ST3GAL2: variants seen among roughly 807,000 people sequenced by gnomAD.
ST3GAL2 encodes the protein CMP-N-acetylneuraminate-beta-galactosamide-alpha-2,3-sialyltransferase 2.
A neutral mutation model predicts 37.5 loss-of-function variants in ST3GAL2; 16 were observed. That is an observed-to-expected ratio of 0.43 (90% CI 0.29 to 0.65). The LOEUF is 0.65. Ranked by LOEUF, ST3GAL2 falls within the 30% of genes least tolerant of loss-of-function variation. The pLI is 0.17. For missense variants in ST3GAL2, 383 were observed against 487.8 expected (o/e 0.79, Z 2.02); for synonymous variants, 238 against 202.9 (o/e 1.17, Z -1.47).
At chr16:70,433,128 C>T (rs1011816145) in intron 1 of ST3GAL2, among the ~76,000 whole-genome samples, 2 of 152,214 alleles carry the variant, frequency 1.3e-5, no homozygotes, top group Admixed American at 6.5e-5. Flanking sequence ...GGAACCAGCT[C>T]TCATCACCAG....
rs2047405649 is a variant in ST3GAL2 at position 70,381,622 on chromosome 16, T to A, written c.*67A>T. On this transcript the variant is annotated 3_prime_UTR_variant, in exon 7 of 7. Coordinates refer to ENST00000342907, the MANE Select transcript of ST3GAL2 (RefSeq NM_006927.4). ...AGCATGATTGGTCGCGGGTTGCTGGTCCTGGGTCCCGGGCCGGAGCCCCGG... is the reference window on the plus strand; with the variant it reads ...AGCATGATTGGTCGCGGGTTGCTGGACCTGGGTCCCGGGCCGGAGCCCCGG... The A allele has an allele frequency of 1.9e-6, 3 of 1,564,840 alleles. No individual in the cohort carries two copies. The highest frequency in any genetic ancestry group is 2.7e-5 in the African/African-American group (2 of 73,940).
chr16:70,388,952 G>A (rs2047461947), intron 3 of ST3GAL2, among the ~76,000 whole-genome samples: 1 of 149,320 alleles, frequency 6.7e-6, no homozygotes, highest in Non-Finnish European at 1.5e-5. Flanking sequence ...GCATGTACCT[G>A]TAATCCCAGC....
chr16:70,377,666 TAC>T lies in ST3GAL2; in HGVS notation c.*4021_*4022del, dbSNP rs1420819856. On this transcript the variant is annotated 3_prime_UTR_variant, in exon 7 of 7. Coordinates refer to ENST00000342907, the MANE Select transcript of ST3GAL2 (RefSeq NM_006927.4). ...GGTGAAACCCCGTCTCTACTAAAAA[TAC>T]AAAAATTAGCTGGGCATGGTGGTGC... The T allele has an allele frequency of 6.6e-6, 1 of 151,468 alleles. No individual in the cohort carries two copies. 9.4% of individuals were successfully genotyped at this position (151,468 alleles called of 1,614,324 possible).
In ST3GAL2 at chr16:70,376,656, G is replaced by C. The variant is rs2047347878; in HGVS notation, c.*5033C>G. On this transcript the variant is annotated 3_prime_UTR_variant, in exon 7 of 7. Coordinates refer to ENST00000342907, the MANE Select transcript of ST3GAL2 (RefSeq NM_006927.4). ...GAATACTTTTATTTTTAAAAATATAGTTTCAGTATTTTACCTTCCCTGATG... is the reference window on the plus strand; with the variant it reads ...GAATACTTTTATTTTTAAAAATATACTTTCAGTATTTTACCTTCCCTGATG... 6.6e-6 allele frequency: 1 copy of C among 152,120 alleles called. No individual in the cohort carries two copies. Among genetic ancestry groups the C allele is most frequent in the Non-Finnish European group, 1.5e-5 (1 of 68,020 alleles). The allele number at this position is 152,120 out of a possible 1,614,324, so 9.4% of individuals were successfully genotyped here. A position where few individuals can be genotyped will look rare whatever the true frequency, so the allele number is the denominator to read the frequency against.
chr16:70,404,275 G>C (rs2047574288), intron 1 of ST3GAL2, among the ~76,000 whole-genome samples: 1 of 152,194 alleles, frequency 6.6e-6, no homozygotes, highest in Non-Finnish European at 1.5e-5. Context: ...AAACAGCCCT[G>C]CATCTGGGAA....
chr16:70,387,490 G>C (rs1015156083), intron 4 of ST3GAL2, among the ~76,000 whole-genome samples: 2 of 152,034 alleles, frequency 1.3e-5, no homozygotes, highest in Non-Finnish European at 2.9e-5. Context: ...GGGAGGTAGA[G>C]GTTTCAGTGA....
At position 70,380,330 on chromosome 16, in the gene ST3GAL2, T is replaced by A. The variant is rs1258881882; in HGVS notation, c.*1359A>T. 6.6e-6 allele frequency: 1 copy of A among 152,232 alleles called. No homozygotes were observed. Among genetic ancestry groups the A allele is most frequent in the East Asian group, 1.9e-4 (1 of 5,196 alleles). 9.4% of individuals were successfully genotyped at this position (152,232 alleles called of 1,614,324 possible). On this transcript the variant is annotated 3_prime_UTR_variant, in exon 7 of 7. Transcript: ENST00000342907. ...ACCTACCAACGGCCAGGAAGCTGCCTGGTGGTGTCAACTAAGAAAAGGGGG... is the reference window on the plus strand; with the variant it reads ...ACCTACCAACGGCCAGGAAGCTGCCAGGTGGTGTCAACTAAGAAAAGGGGG...
At chr16:70,435,790 G>A (rs1005213768) in intron 1 of ST3GAL2, among the ~76,000 whole-genome samples, 7 of 120,204 alleles carry the variant, frequency 5.8e-5, no homozygotes, top group East Asian at 5.8e-4. Context: ...GGGAAACCTC[G>A]TCTCAAAATA....
rs774074693 is a variant in ST3GAL2 at position 70,398,428 on chromosome 16, G to C, written c.103C>G (p.Pro35Ala). The C allele has an allele frequency of 6.2e-7, 1 of 1,613,726 alleles. No individual in the cohort carries two copies. Among genetic ancestry groups the C allele is most frequent in the Admixed American group, 1.7e-5 (1 of 60,034 alleles). ...TCCAGGGCCCCTGAGTCCAGGTAGG[G>C]GAGCGTGGCCATGCTGTGGTGCGAG... ...TYSHHSMATL[P>A]YLDSGALDGT... is the part of the protein sequence containing the mutation. The change falls in exon 2 of 7, where the codon CCC (proline) becomes GCC (alanine). Residue 35 changes from proline to alanine, a missense_variant. Coordinates refer to ENST00000342907, the MANE Select transcript of ST3GAL2 (RefSeq NM_006927.4).
chr16:70,434,513 A>G (rs2047812571), intron 1 of ST3GAL2, among the ~76,000 whole-genome samples: 1 of 152,174 alleles, frequency 6.6e-6, no homozygotes, highest in Admixed American at 6.6e-5. Context: ...GAGCACATCA[A>G]GGAGCAGGAA....
Position 70,424,934 on chromosome 16 carries a change from G to C in ST3GAL2, c.-1004+14015C>G, listed in dbSNP as rs571857264. ...GATATGGAGTCTGTGTCCAAACCTG[G>C]ACCAGGCACTGTGGCTGGGTGCATT... On this transcript the variant is annotated intron_variant, in intron 1 of 6. Transcript: ENST00000342907. 1.5e-3 allele frequency among the ~76,000 whole-genome samples: 229 copies of C among 152,278 alleles called. 2 individuals are homozygous for C. Among genetic ancestry groups the C allele is most frequent in the Non-Finnish European group, 1.3e-3 (91 of 68,036 alleles).
At chr16:70,402,166 GC>G (rs1201242542) in intron 1 of ST3GAL2, among the ~76,000 whole-genome samples, 1 of 151,408 alleles carries the variant, frequency 6.6e-6, no homozygotes, top group African/African-American at 2.4e-5. Flanking sequence ...GGGCATGGTG[GC>G]ACATGCCTGT....
At chr16:70,389,368 A>C (rs1412247510) in intron 3 of ST3GAL2, among the ~76,000 whole-genome samples, 1 of 151,776 alleles carries the variant, frequency 6.6e-6, no homozygotes, top group Non-Finnish European at 1.5e-5. Context: ...CAGTGGTGCT[A>C]TCTCGGCTCA....
chr16:70,403,517 AC>A (rs2047569532), intron 1 of ST3GAL2, among the ~76,000 whole-genome samples: 1 of 152,144 alleles, frequency 6.6e-6, no homozygotes, highest in South Asian at 2.1e-4. Flanking sequence ...CCCCATCTCC[AC>A]AAAAAAGTAA....
chr16:70,393,002 G>A (rs936411240), intron 3 of ST3GAL2, among the ~76,000 whole-genome samples: 10 of 151,836 alleles, frequency 6.6e-5, no homozygotes, highest in African/African-American at 2.4e-4. Context: ...TACTACCCAG[G>A]TCACCCCTTC....
chr16:70,399,001 G>C lies in ST3GAL2; in HGVS notation c.-471C>G, dbSNP rs1158297468. On this transcript the variant is annotated 5_prime_UTR_variant, in exon 2 of 7. Coordinates refer to ENST00000342907, the MANE Select transcript of ST3GAL2 (RefSeq NM_006927.4). ...CGTTCCCGGCAGCGGGGAAGCCCTA[G>C]AACTCCAATCACAACAGAGAGCACA... The C allele has an allele frequency of 9.6e-6, 4 of 416,220 alleles. No homozygotes were observed. Among genetic ancestry groups the C allele is most frequent in the African/African-American group, 2.0e-5 (1 of 49,056 alleles). 25.8% of individuals were successfully genotyped at this position (416,220 alleles called of 1,614,324 possible).
In ST3GAL2 at chr16:70,379,239, A is replaced by G. The variant is rs1261339943; in HGVS notation, c.*2450T>C. Reference sequence around the variant, plus strand: ...GCCACTGCGAGGAGCTGCTACCAGGAATCCTCTCCAATGAACTCCTCTCCT... The same window carrying G: ...GCCACTGCGAGGAGCTGCTACCAGGGATCCTCTCCAATGAACTCCTCTCCT... On this transcript the variant is annotated 3_prime_UTR_variant, in exon 7 of 7. Transcript: ENST00000342907. The G allele has an allele frequency of 6.6e-6, 1 of 152,188 alleles. No homozygotes were observed. Among genetic ancestry groups the G allele is most frequent in the Non-Finnish European group, 1.5e-5 (1 of 68,048 alleles). The allele number at this position is 152,188 out of a possible 1,614,324, so 9.4% of individuals were successfully genotyped here.
intron 2 of ST3GAL2, 94 bp from the exon 3 acceptor site, chr16:70,395,269 T>C: frequency 8.3e-7 from 1 of 1,202,692 alleles, no homozygotes; most frequent in African/African-American, 1.5e-5. Context: ...CTCACTATCC[T>C]GTGTCTGGGC....
At chr16:70,412,639 A>T (rs2047646978) in intron 1 of ST3GAL2, among the ~76,000 whole-genome samples, 1 of 152,172 alleles carries the variant, frequency 6.6e-6, no homozygotes, top group Non-Finnish European at 1.5e-5. Flanking sequence ...AGCAAAATAA[A>T]GTTATATTAT....
Sources: allele counts gnomAD v4.1 joint callset (sites outside exome capture counted in the v4.1 genomes callset), GRCh38; gene constraint gnomAD v4.1.1; transcripts MANE v1.5; gene names NCBI Gene and HGNC (gene_info 2026-07-23, HGNC 2026-07-21).